POU2F2: variants seen among roughly 807,000 people sequenced by gnomAD.
POU2F2 encodes the protein POU class 2 homeobox 2.
In POU2F2, 14 loss-of-function variants were observed where a neutral mutation model predicts 63.5. The observed-to-expected ratio is 0.22, with a 90% CI of 0.15 to 0.34. The LOEUF is 0.34. POU2F2 is among the 10% of genes least tolerant of loss of function. POU2F2 has a pLI of 1.00. For synonymous variants in POU2F2, 306 were observed against 348.6 expected (o/e 0.88, Z 1.36); for missense variants, 607 against 815.2 (o/e 0.74, Z 3.11).
chr19:42,171,872 T>A (rs2034777211), intron 1 of POU2F2, among the ~76,000 whole-genome samples: 2 of 152,170 alleles, frequency 1.3e-5, no homozygotes. Context: ...GGTCCCTGTG[T>A]GTGTGTGCAC....
intron 1 of POU2F2, among the ~76,000 whole-genome samples, chr19:42,126,701 C>T (rs145307596): frequency 6.6e-6 from 1 of 152,282 alleles, no homozygotes; most frequent in East Asian, 1.9e-4. Flanking sequence ...CAGCCCCTGC[C>T]CTCCTGCTGT....
intron 1 of POU2F2, among the ~76,000 whole-genome samples, chr19:42,195,659 C>G (rs1330283000): frequency 6.8e-6 from 1 of 147,314 alleles, no homozygotes; most frequent in Non-Finnish European, 1.5e-5. Context: ...CCCTCCCTCC[C>G]TTCCTCTTTC....
At chr19:42,190,774 C>T (rs897897428) in intron 1 of POU2F2, among the ~76,000 whole-genome samples, 1 of 151,980 alleles carries the variant, frequency 6.6e-6, no homozygotes, top group South Asian at 2.1e-4. Context: ...ATATTTCATG[C>T]GGTATATGTA....
At chr19:42,118,280 C>T (rs920383472) in intron 4 of POU2F2, among the ~76,000 whole-genome samples, 57 of 152,146 alleles carry the variant, frequency 3.7e-4, no homozygotes, top group African/African-American at 1.4e-3. Context: ...AAAAGGTTTT[C>T]AGGTACTAAG....
chr19:42,189,491 T>C (rs988555815), intron 1 of POU2F2, among the ~76,000 whole-genome samples: 5 of 152,228 alleles, frequency 3.3e-5, no homozygotes, highest in Non-Finnish European at 7.3e-5. Flanking sequence ...GGTTCTAGTC[T>C]TTTCTGAAGG....
chr19:42,138,759 T>C (rs1015261337), intron 2 of POU2F2, among the ~76,000 whole-genome samples: 2 of 152,030 alleles, frequency 1.3e-5, no homozygotes, highest in East Asian at 1.9e-4. Context: ...GCTGGGTGGA[T>C]GCGAGGCCAT....
intron 4 of POU2F2, among the ~76,000 whole-genome samples, chr19:42,119,109 C>G (rs2032273633): frequency 6.9e-6 from 1 of 145,748 alleles, no homozygotes; most frequent in East Asian, 2.0e-4. Flanking sequence ...GGCAACAGAG[C>G]AAGACACCGT....
rs1033926368 is a variant in POU2F2, at chr19:42,153,522, G to T, written c.-9+6810C>A. On this transcript the variant is annotated intron_variant, in intron 2 of 6. Transcript: ENST00000524801. The surrounding 1 kb of genome is among the most constrained non-coding windows in gnomAD (Gnocchi z 5.6). The stretch of plus-strand genomic sequence containing the variant: ...TGAGCACGGATGCTGCTGTGCGTGA[G>T]CCTCCATGGGTCCCGTGTGGATCTG... Among the ~76,000 whole-genome samples the T allele has an allele frequency of 6.6e-6, 1 of 152,162 alleles. No individual in the cohort carries two copies. The highest frequency in any genetic ancestry group is 2.4e-5 in the African/African-American group (1 of 41,434).
Position 42,094,005 on chromosome 19 carries a change from G to A in POU2F2, c.1198-110C>T, listed in dbSNP as rs934798370. The A allele has an allele frequency of 1.5e-5, 12 of 806,046 alleles. No homozygotes were observed. The African/African-American group carries it at 1.9e-4, about 13-fold the overall frequency. 49.9% of individuals were successfully genotyped at this position (806,046 alleles called of 1,614,324 possible). ...CCCAGGATGGGGGCAGGGGGCTTTGGCACAATGCTGCATTTGTATTATTCC... is the reference window on the plus strand; with the variant it reads ...CCCAGGATGGGGGCAGGGGGCTTTGACACAATGCTGCATTTGTATTATTCC... On this transcript the variant is annotated intron_variant, in intron 11 of 14. Coordinates refer to ENST00000692977, the MANE Select transcript of POU2F2 (RefSeq NM_001394376.1).
At chr19:42,164,324 C>G (rs1568420306) in intron 1 of POU2F2, among the ~76,000 whole-genome samples, 1 of 151,316 alleles carries the variant, frequency 6.6e-6, no homozygotes, top group Non-Finnish European at 1.5e-5. Flanking sequence ...GGCATAGTGG[C>G]TCATGCCTGT....
At chr19:42,129,697 G>A (rs541848289) in intron 1 of POU2F2, among the ~76,000 whole-genome samples, 1 of 152,218 alleles carries the variant, frequency 6.6e-6, no homozygotes, top group African/African-American at 2.4e-5. Context: ...AACCTCTGTG[G>A]GCCCAGCTGG....
chr19:42,151,169 C>T (rs373171478), intron 2 of POU2F2, among the ~76,000 whole-genome samples: 137 of 152,234 alleles, frequency 9.0e-4, no homozygotes, highest in African/African-American at 3.2e-3. Context: ...GGGGAGAGGT[C>T]GGGGGTCAGG....
chr19:42,139,979 T>C (rs1246022046), intron 2 of POU2F2, among the ~76,000 whole-genome samples: 1 of 152,062 alleles, frequency 6.6e-6, no homozygotes. Flanking sequence ...GAGGCTGGAG[T>C]GAACCCAGAG....
rs374436568 is a variant in POU2F2 at position 42,122,471 on chromosome 19, C to G, written c.94+40G>C. Reference sequence around the variant, plus strand: ...CTTCCCATCTGTCCCACTTCCCCTGCCCACGGTGACCCCTGCCCCCCTGCT... The same window carrying G: ...CTTCCCATCTGTCCCACTTCCCCTGGCCACGGTGACCCCTGCCCCCCTGCT... On this transcript the variant is annotated intron_variant, in intron 2 of 14. Transcript: ENST00000692977. 3.3e-5 allele frequency: 53 copies of G among 1,607,104 alleles called. No individual in the cohort carries two copies. The African/African-American group carries it at 6.3e-4, about 19-fold the overall frequency.
At chr19:42,164,819 G>A (rs1220743556) in intron 1 of POU2F2, among the ~76,000 whole-genome samples, 1 of 151,756 alleles carries the variant, frequency 6.6e-6, no homozygotes, top group Non-Finnish European at 1.5e-5. Context: ...AAAATTAGCT[G>A]GGTGTGGTGG....
chr19:42,092,987 G>GTA lies in POU2F2; in HGVS notation c.1265-719_1265-718dup, dbSNP rs56158047. ...ATGCATATATATATTATGTGTGTGT[G>GTA]TATATATATATATATATATATATTT... On this transcript the variant is annotated intron_variant, in intron 12 of 14. Coordinates refer to ENST00000692977, the MANE Select transcript of POU2F2 (RefSeq NM_001394376.1). This position sits in a 1 kb window ranked among gnomAD's most constrained non-coding sequence, Gnocchi z 5.0. Among the ~76,000 whole-genome samples the GTA allele has an allele frequency of 1.6e-3, 148 of 92,900 alleles. No individual in the cohort carries two copies. The highest frequency in any genetic ancestry group is 4.0e-3 in the South Asian group (11 of 2,782). 60.9% of individuals were successfully genotyped at this position (92,900 alleles called of 152,430 possible).
rs1419419097 is a variant in POU2F2, at chr19:42,091,496, G to A, written c.1636C>T (p.Leu546=). ...TTCAAGAAGAGCGGCGAGGTCACCA[G>A]GCCAGGGCTCCCCGGGGCTGCACCG... ...AAGAAPGSPG[L]VTSPLFLNHA... Residue 546 remains leucine, a synonymous_variant, in exon 15 of 15, where the codon CTG becomes TTG. Transcript: ENST00000692977. 1.6e-5 allele frequency: 25 copies of A among 1,549,200 alleles called. No homozygotes were observed. Among genetic ancestry groups the A allele is most frequent in the Non-Finnish European group, 2.2e-5 (25 of 1,145,428 alleles).
chr19:42,129,021 C>G (rs1600152671), intron 1 of POU2F2, among the ~76,000 whole-genome samples: 2 of 152,080 alleles, frequency 1.3e-5, no homozygotes, highest in Middle Eastern at 6.8e-3. Flanking sequence ...TTATTAGAGA[C>G]GGGGTTTCAC....
At chr19:42,196,748 C>A (rs754278475), upstream of POU2F2, among the ~76,000 whole-genome samples, 1 of 152,266 alleles carries the variant, frequency 6.6e-6, no homozygotes, top group African/African-American at 2.4e-5. Flanking sequence ...GGGAGCTCCA[C>A]GGCGCATGCG....
Sources: allele counts gnomAD v4.1 joint callset (sites outside exome capture counted in the v4.1 genomes callset), GRCh38; gene constraint gnomAD v4.1.1; non-coding constraint Gnocchi (gnomAD v3.1); transcripts MANE v1.5; gene names NCBI Gene and HGNC (gene_info 2026-07-23, HGNC 2026-07-21).